DENND2B: variants seen among roughly 807,000 people sequenced by gnomAD.
DENND2B encodes DENN domain-containing protein 2B.
A neutral mutation model predicts 116.0 loss-of-function variants in DENND2B; 32 were observed. The observed-to-expected ratio is 0.28, with a 90% CI of 0.21 to 0.37. DENND2B has a LOEUF of 0.37. Ranked by LOEUF, DENND2B falls within the 10% of genes least tolerant of loss-of-function variation. DENND2B has a pLI of 1.00. For missense variants in DENND2B, 1,276 were observed against 1,477.7 expected, an observed-to-expected ratio of 0.86 and a Z score of 2.24; for synonymous variants, 588 against 583.9, an observed-to-expected ratio of 1.01 and a Z score of -0.10.
intron 4 of DENND2B, among the ~76,000 whole-genome samples, chr11:8,820,848 G>A (rs907705658): frequency 6.6e-6 from 1 of 152,172 alleles, no homozygotes; most frequent in Non-Finnish European, 1.5e-5. Context: ...ATGGCTGGGT[G>A]CAGCGGCTCA....
chr11:8,890,429 G>A (rs1798994779), intron 1 of DENND2B, among the ~76,000 whole-genome samples: 1 of 152,096 alleles, frequency 6.6e-6, no homozygotes, highest in South Asian at 2.1e-4. Context: ...GGCTTCAGAT[G>A]ATCAAACTTC....
chr11:8,815,684 A>G (rs975572322), intron 4 of DENND2B, among the ~76,000 whole-genome samples: 1 of 152,244 alleles, frequency 6.6e-6, no homozygotes, highest in Admixed American at 6.5e-5. Context: ...TCTCTTCTGC[A>G]AATCAACAGC....
intron 4 of DENND2B, chr11:8,718,261 A>G: frequency 1.7e-6 from 2 of 1,164,852 alleles, no homozygotes; most frequent in African/African-American, 1.5e-5. Flanking sequence ...CCTCTGCTGC[A>G]AACACCCCAG....
At chr11:8,852,122 T>TGAG (rs1177084681) in intron 3 of DENND2B, among the ~76,000 whole-genome samples, 1 of 152,074 alleles carries the variant, frequency 6.6e-6, no homozygotes, top group African/African-American at 2.4e-5. Context: ...AAGAATAAAG[T>TGAG]GAGGAGGGCA....
chr11:8,859,798 C>T (rs1276960965), intron 2 of DENND2B, among the ~76,000 whole-genome samples: 3 of 152,182 alleles, frequency 2.0e-5, no homozygotes, highest in African/African-American at 7.2e-5. Flanking sequence ...CAGAGACAGG[C>T]ATGCTGACCA....
At chr11:8,774,671 C>T (rs1186994520) in intron 1 of DENND2B, among the ~76,000 whole-genome samples, 1 of 152,146 alleles carries the variant, frequency 6.6e-6, no homozygotes, top group East Asian at 1.9e-4. Context: ...TCAAGGGGCA[C>T]AGCAAGTTCC....
At chr11:8,862,030 G>C (rs979848883) in intron 2 of DENND2B, among the ~76,000 whole-genome samples, 5 of 151,974 alleles carry the variant, frequency 3.3e-5, no homozygotes, top group African/African-American at 4.8e-5. Flanking sequence ...GACACAGAAG[G>C]GGGAGGAAGG....
chr11:8,903,080 G>A lies in DENND2B; in HGVS notation c.-256+7741C>T, dbSNP rs548856212. 4.7e-4 allele frequency among the ~76,000 whole-genome samples: 72 copies of A among 152,248 alleles called. 1 individual carries two copies. Among genetic ancestry groups the A allele is most frequent in the African/African-American group, 1.6e-3 (67 of 41,532 alleles). The stretch of plus-strand genomic sequence containing the variant: ...TCACCATGTTGGACAGGATGGTCTC[G>A]ATCTCTTGACCTCATGATCCACCCA... On this transcript the variant is annotated intron_variant, in intron 1 of 22. Coordinates refer to the DENND2B transcript ENST00000534127.
chr11:8,843,357 C>A (rs1226994898), intron 3 of DENND2B, among the ~76,000 whole-genome samples: 1 of 152,086 alleles, frequency 6.6e-6, no homozygotes, highest in African/African-American at 2.4e-5. Flanking sequence ...GAGCATGTGG[C>A]CAATGTGGAA....
Position 8,730,236 on chromosome 11 carries a change from G to C in DENND2B, c.1054C>G (p.Pro352Ala), listed in dbSNP as rs1592836562. ...AGVAGEAGPP[P>A]EREGSGSTKP... ...GTGGAACCACTGCCTTCCCTCTCTG[G>C]GGGTGGGCCCGCCTCCCCCGCAACA... Residue 352 changes from proline to alanine, a missense_variant, in exon 3 of 20, where the codon CCA becomes GCA. This residue lies in a region of DENND2B where 856 missense variants were observed against 846.6 expected (regional missense o/e 1.01). Coordinates refer to ENST00000313726, the MANE Select transcript of DENND2B (RefSeq NM_213618.2). This position sits in a 1 kb window ranked among gnomAD's most constrained non-coding sequence, Gnocchi z 4.1. The C allele has an allele frequency of 6.2e-7, 1 of 1,612,526 alleles. No homozygotes were observed. Among genetic ancestry groups the C allele is most frequent in the South Asian group, 1.1e-5 (1 of 91,010 alleles).
At chr11:8,897,109 T>C (rs1267186267) in intron 1 of DENND2B, among the ~76,000 whole-genome samples, 1 of 151,790 alleles carries the variant, frequency 6.6e-6, no homozygotes. Flanking sequence ...TTTTAAAAAC[T>C]AGCCAGGTGT....
chr11:8,719,269 A>T (rs2045701619), intron 4 of DENND2B: 2 of 968,864 alleles, frequency 2.1e-6, no homozygotes, highest in Non-Finnish European at 2.5e-6. Context: ...CTCCCTCCAC[A>T]TTGTGGCATC....
chr11:8,791,047 T>G (rs1269723873), intron 1 of DENND2B, among the ~76,000 whole-genome samples: 1 of 152,228 alleles, frequency 6.6e-6, no homozygotes, highest in Non-Finnish European at 1.5e-5. Flanking sequence ...TTCCTGAATC[T>G]GTTCCCAAAG....
intron 3 of DENND2B, among the ~76,000 whole-genome samples, chr11:8,845,947 C>A (rs552258073): frequency 6.6e-6 from 1 of 152,244 alleles, no homozygotes; most frequent in East Asian, 1.9e-4. Context: ...ACCAAAAATA[C>A]ACGGTTTCTC....
At chr11:8,711,868 G>A (rs979345484) in intron 9 of DENND2B, 10 of 379,028 alleles carry the variant, frequency 2.6e-5, no homozygotes, top group East Asian at 1.5e-4. Context: ...ACTCCGTCTC[G>A]AATAAAAAAA....
At chr11:8,734,074 A>T (rs2048558014) in intron 2 of DENND2B, among the ~76,000 whole-genome samples, 1 of 152,206 alleles carries the variant, frequency 6.6e-6, no homozygotes, top group Non-Finnish European at 1.5e-5. Flanking sequence ...AGAAGGCACC[A>T]GTCACTCATT....
At chr11:8,778,240 C>T (rs570232263) in intron 1 of DENND2B, among the ~76,000 whole-genome samples, 2 of 152,344 alleles carry the variant, frequency 1.3e-5, no homozygotes, top group South Asian at 2.1e-4. Context: ...CCAGCCATAA[C>T]GAGCACCTAG....
chr11:8,910,931 A>AACCCCC (rs2064316329), exon 1 of DENND2B: 1 of 11,138 alleles, frequency 9.0e-5, no homozygotes, highest in Non-Finnish European at 2.1e-4. Flanking sequence ...CTCAGCCCCC[A>AACCCCC]GCCCCCGACC....
intron 1 of DENND2B, among the ~76,000 whole-genome samples, chr11:8,797,259 G>C (rs1207129691): frequency 6.6e-6 from 1 of 152,170 alleles, no homozygotes; most frequent in African/African-American, 2.4e-5. Flanking sequence ...GCTTAGAACA[G>C]AGTAAACATT....
Sources: gnomAD v4.1 joint callset for allele counts (sites outside exome capture counted in the v4.1 genomes callset) on GRCh38, gnomAD v4.1.1 for gene constraint, gnomAD v4.1.1 regional missense constraint, Gnocchi (gnomAD v3.1) non-coding constraint, MANE v1.5 for transcripts, NCBI Gene and HGNC (gene_info 2026-07-23, HGNC 2026-07-21) for gene names.